The following THADA variants were observed in gnomAD, a reference collection of about 807,000 sequenced individuals.
THADA encodes tRNA (32-2'-O)-methyltransferase regulator THADA.
In THADA, 213 loss-of-function variants were observed where a neutral mutation model predicts 219.8. The ratio of observed to expected loss-of-function variants is 0.97; its 90% confidence interval spans 0.87 to 1.09. The LOEUF (loss-of-function observed/expected upper bound fraction) is 1.09, where lower values mean the gene tolerates loss of function less well. Among genes scored for constraint, THADA ranks in the 50% least tolerant of loss-of-function variants. The pLI, the probability that THADA is intolerant of heterozygous loss-of-function variation, is 0.00. For missense variants in THADA, 2,956 were observed against 2,311.3 expected (o/e 1.28, Z -5.72); for synonymous variants, 1,018 against 828.9 (o/e 1.23, Z -3.92).
chr2:43,314,516 T>C (rs911079850), intron 31 of THADA, among the ~76,000 whole-genome samples: 5 of 152,180 alleles, frequency 3.3e-5, no homozygotes, highest in African/African-American at 9.7e-5. Context: ...AGTCCATCTG[T>C]CAAAGGGGTA....
chr2:43,356,252 A>G (rs979591553), intron 29 of THADA, among the ~76,000 whole-genome samples: 5 of 152,200 alleles, frequency 3.3e-5, no homozygotes, highest in Non-Finnish European at 5.9e-5. Flanking sequence ...TTGGATTCCT[A>G]TCTAAAGCCT....
chr2:43,475,141 G>T (rs1178008194), intron 26 of THADA, among the ~76,000 whole-genome samples: 1 of 152,136 alleles, frequency 6.6e-6, no homozygotes, highest in East Asian at 1.9e-4. Context: ...AGACGGCTGG[G>T]CATGGTGGCT....
At chr2:43,355,367 C>T (rs776375544) in intron 29 of THADA, among the ~76,000 whole-genome samples, 13 of 152,288 alleles carry the variant, frequency 8.5e-5, no homozygotes, top group Non-Finnish European at 1.3e-4. Context: ...TACAAAGGTT[C>T]CCCTTTCTCC....
At position 43,552,264 on chromosome 2, in the gene THADA, G is replaced by A. The variant is rs961192723; in HGVS notation, c.2750C>T (p.Ala917Val). The A allele has an allele frequency of 6.2e-7, 1 of 1,611,200 alleles. No individual in the cohort carries two copies. Among genetic ancestry groups the A allele is most frequent in the Non-Finnish European group, 8.5e-7 (1 of 1,179,114 alleles). ...AENSLLQAAA[A>V]FPMYGRVHCI... ...GTGGACTCGCCCATACATTGGAAAT[G>A]CTGCTGCTGCCTGAAGCAGAGAATT... Residue 917 changes from alanine to valine, a missense_variant, in exon 18 of 38, where the codon GCA (alanine) becomes GTA (valine). Physicochemically the swap from Ala to Val is moderately conservative, Grantham distance 64. Coordinates refer to ENST00000405975, the MANE Select transcript of THADA (RefSeq NM_022065.5).
At chr2:43,431,190 T>C (rs1465821582) in intron 26 of THADA, among the ~76,000 whole-genome samples, 1 of 152,226 alleles carries the variant, frequency 6.6e-6, no homozygotes, top group African/African-American at 2.4e-5. Flanking sequence ...GTTATGTTCC[T>C]ATTAATTGAA....
intron 28 of THADA, among the ~76,000 whole-genome samples, chr2:43,422,000 C>G (rs1349723008): frequency 2.6e-5 from 4 of 152,226 alleles, no homozygotes; most frequent in East Asian, 1.9e-4. Flanking sequence ...GAATCCACAG[C>G]TGAGTTGTTC....
At chr2:43,557,796 T>C (rs1470005673) in intron 16 of THADA, among the ~76,000 whole-genome samples, 2 of 152,240 alleles carry the variant, frequency 1.3e-5, no homozygotes, top group Non-Finnish European at 2.9e-5. Flanking sequence ...AAAATAATTA[T>C]ACACTCAATT....
chr2:43,457,840 G>T (rs1683198821), intron 26 of THADA, among the ~76,000 whole-genome samples: 1 of 151,610 alleles, frequency 6.6e-6, no homozygotes, highest in South Asian at 2.1e-4. Context: ...TCAACAAGGA[G>T]TACTCCATTA....
rs777886527 is a variant in THADA, at chr2:43,581,781, C to A, written c.681G>T (p.Met227Ile). The A allele has an allele frequency of 2.2e-5, 36 of 1,612,268 alleles. No homozygotes were observed. Among genetic ancestry groups the A allele is most frequent in the Non-Finnish European group, 3.0e-5 (35 of 1,179,604 alleles). The change falls in exon 8 of 38, where the codon ATG (methionine) becomes ATT (isoleucine). Residue 227 changes from methionine (M) to isoleucine (I), a missense_variant. Physicochemically the swap from Met to Ile is conservative, Grantham distance 10. Transcript: ENST00000405975. ...TGGTAAAAATACTCAGCAATCCACA[C>A]ATATTTTGCCATATGGGAGAATCGG... ...KTSDSPIWQN[M>I]CGLLSIFTKV...
intron 26 of THADA, among the ~76,000 whole-genome samples, chr2:43,447,030 G>C (rs1681662586): frequency 6.6e-6 from 1 of 152,160 alleles, no homozygotes; most frequent in South Asian, 2.1e-4. Context: ...TGAATAATTT[G>C]TAAAGAAAAG....
intron 22 of THADA, among the ~76,000 whole-genome samples, chr2:43,527,011 T>A (rs966315171): frequency 6.6e-6 from 1 of 152,226 alleles, no homozygotes; most frequent in Admixed American, 6.5e-5. Flanking sequence ...CAGGGACTTT[T>A]TAAAAAGTAT....
At chr2:43,297,436 C>T (rs1386389412) in intron 31 of THADA, among the ~76,000 whole-genome samples, 8 of 95,428 alleles carry the variant, frequency 8.4e-5, no homozygotes, top group African/African-American at 1.6e-4. Flanking sequence ...CCACCCCGTC[C>T]GGGAGGGAGG....
chr2:43,360,611 T>A (rs57151914), intron 29 of THADA, among the ~76,000 whole-genome samples: 2,365 of 152,336 alleles, frequency 0.016, 50 homozygotes, highest in African/African-American at 0.054. Context: ...GATGCCACTA[T>A]GAAACCATTC....
At chr2:43,569,050 C>T (rs1232362532) in intron 14 of THADA, among the ~76,000 whole-genome samples, 1 of 152,160 alleles carries the variant, frequency 6.6e-6, no homozygotes, top group Non-Finnish European at 1.5e-5. Context: ...AGGCTCACCA[C>T]AGCCCTCACC....
intron 21 of THADA, among the ~76,000 whole-genome samples, chr2:43,529,062 G>C (rs74907855): frequency 0.081 from 12,278 of 151,950 alleles, 560 homozygotes; most frequent in South Asian, 0.14. Context: ...CTTCAAGACA[G>C]AACCATGGAA....
intron 1 of THADA, among the ~76,000 whole-genome samples, chr2:43,594,121 G>C (rs934205679): frequency 6.6e-6 from 1 of 152,038 alleles, no homozygotes; most frequent in Non-Finnish European, 1.5e-5. Context: ...TTGGACTCCT[G>C]AAACAGCTCC....
intron 35 of THADA, among the ~76,000 whole-genome samples, chr2:43,281,116 C>A (rs571726569): frequency 6.6e-6 from 1 of 152,210 alleles, no homozygotes; most frequent in Non-Finnish European, 1.5e-5. Flanking sequence ...TAAGAACTCC[C>A]CTTTGTCTAT....
At chr2:43,519,887 T>C (rs1230216141) in intron 22 of THADA, among the ~76,000 whole-genome samples, 1 of 152,016 alleles carries the variant, frequency 6.6e-6, no homozygotes, top group Non-Finnish European at 1.5e-5. Context: ...CAGAATAGAG[T>C]TCTGACTATT....
At chr2:43,568,813 G>T (rs1018289124) in intron 14 of THADA, among the ~76,000 whole-genome samples, 14 of 151,964 alleles carry the variant, frequency 9.2e-5, no homozygotes, top group South Asian at 2.1e-4. Flanking sequence ...GAGGTGGAGT[G>T]GGGGGAATCA....
Sources: allele counts gnomAD v4.1 joint callset (sites outside exome capture counted in the v4.1 genomes callset), GRCh38; gene constraint gnomAD v4.1.1; transcripts MANE v1.5; gene names NCBI Gene and HGNC (gene_info 2026-07-23, HGNC 2026-07-21).